The following CFAP418 variants were observed in gnomAD, a reference collection of about 807,000 sequenced individuals.
CFAP418 encodes the protein cilia and flagella associated protein 418, also known as cilia- and flagella-associated protein 418.
CFAP418 carries 27 observed loss-of-function variants against 24.7 expected under a neutral mutation model. That is an observed-to-expected ratio of 1.09 (90% confidence interval 0.81 to 1.51). CFAP418 has a LOEUF of 1.51. Ranked by LOEUF, CFAP418 falls within the 40% of genes most tolerant of loss-of-function variation. The pLI is 0.00. For missense variants in CFAP418, 257 were observed against 255.2 expected (o/e 1.01, Z -0.05); for synonymous variants, 74 against 87.3 (o/e 0.85, Z 0.85).
At chr8:95,260,371 A>G (rs1408867549) in intron 3 of CFAP418, 97 bp downstream of exon 3, 4 of 872,344 alleles carry the variant, frequency 4.6e-6, no homozygotes, top group South Asian at 1.7e-5. Flanking sequence ...TTGTTGTTCA[A>G]TGTCACTGCT....
At chr8:95,255,524 T>C (rs1003886903) in intron 4 of CFAP418, among the ~76,000 whole-genome samples, 3 of 152,252 alleles carry the variant, frequency 2.0e-5, no homozygotes, top group Non-Finnish European at 1.5e-5. Flanking sequence ...GTATCCCATA[T>C]GTTCCCTTTA....
At chr8:95,269,003 C>T (rs766769792) in intron 1 of CFAP418, 32 bp downstream of exon 1, 6 of 1,608,172 alleles carry the variant, frequency 3.7e-6, no homozygotes, top group South Asian at 2.2e-5. Context: ...CAGGGCTTTA[C>T]CAGAACAGTC....
In CFAP418 at chr8:95,263,675, C is replaced by G. The variant is rs769781357; in HGVS notation, c.243+12G>C. On this transcript the variant is annotated intron_variant, in intron 2 of 5. Transcript: ENST00000286688. ...TGACAGAATTACTACATATTTATAA[C>G]ACTTGACTTACAGAGGGTTTTTTGT... The G allele has an allele frequency of 6.6e-7, 1 of 1,524,396 alleles. No homozygotes were observed. The highest frequency in any genetic ancestry group is 1.4e-5 in the African/African-American group (1 of 72,930). The allele number at this position is 1,524,396 out of a possible 1,614,324, so 94.4% of individuals were successfully genotyped here.
In CFAP418 at chr8:95,264,386, A is replaced by T. The variant is rs116051493; in HGVS notation, c.156-612T>A. 7.5e-3 allele frequency among the ~76,000 whole-genome samples: 1,136 copies of T among 152,312 alleles called. 20 individuals are homozygous for T. The highest frequency in any genetic ancestry group is 0.026 in the African/African-American group (1,075 of 41,566). On this transcript the variant is annotated intron_variant, in intron 1 of 5. Transcript: ENST00000286688. Reference sequence around the variant, plus strand: ...TAATAGCTGATGCTAAATAGCTAATAACTAAATAGTAAGTATTTACTGAAT... The same window carrying T: ...TAATAGCTGATGCTAAATAGCTAATTACTAAATAGTAAGTATTTACTGAAT...
intron 4 of CFAP418, among the ~76,000 whole-genome samples, chr8:95,253,608 T>A (rs1404817268): frequency 2.6e-5 from 4 of 152,260 alleles, no homozygotes; most frequent in African/African-American, 4.8e-5. Context: ...CTAAAAATAC[T>A]ATTAACCATA....
intron 1 of CFAP418, chr8:95,268,807 G>T: frequency 2.7e-6 from 1 of 375,310 alleles, no homozygotes; most frequent in East Asian, 4.5e-5. Flanking sequence ...CAGCCCTCTG[G>T]GGCATGCCGG....
chr8:95,255,365 G>A (rs985591040), intron 4 of CFAP418, among the ~76,000 whole-genome samples: 3 of 152,126 alleles, frequency 2.0e-5, no homozygotes, highest in African/African-American at 7.2e-5. Flanking sequence ...TTCTCAGGGA[G>A]CTTCTAAACA....
At chr8:95,267,883 T>C (rs1586039793) in intron 1 of CFAP418, among the ~76,000 whole-genome samples, 2 of 152,218 alleles carry the variant, frequency 1.3e-5, no homozygotes, top group East Asian at 3.9e-4. Context: ...TTTGTTTTTT[T>C]TTTTTGAGGG....
At chr8:95,265,224 C>T (rs1412567298) in intron 1 of CFAP418, among the ~76,000 whole-genome samples, 3 of 151,956 alleles carry the variant, frequency 2.0e-5, no homozygotes, top group Non-Finnish European at 4.4e-5. Flanking sequence ...TCCCCAGGTG[C>T]GACAATAAAA....
chr8:95,265,424 A>G (rs752864251), intron 1 of CFAP418, among the ~76,000 whole-genome samples: 6 of 152,206 alleles, frequency 3.9e-5, no homozygotes, highest in African/African-American at 9.6e-5. Flanking sequence ...TCCCTCAACT[A>G]TAGTGAAACT....
intron 5 of CFAP418, among the ~76,000 whole-genome samples, chr8:95,251,712 A>G (rs181705800): frequency 6.6e-6 from 1 of 152,296 alleles, no homozygotes; most frequent in African/African-American, 2.4e-5. Flanking sequence ...AGGCAGATGG[A>G]GAGAAGGAGA....
chr8:95,260,382 G>A (rs1013316586), intron 3 of CFAP418, 86 bp downstream of exon 3: 21 of 1,014,810 alleles, frequency 2.1e-5, no homozygotes, highest in Non-Finnish European at 2.8e-5. Flanking sequence ...TGTCACTGCT[G>A]TTTAAATGGT....
intron 2 of CFAP418, among the ~76,000 whole-genome samples, chr8:95,261,398 A>G (rs563753425): frequency 6.6e-6 from 1 of 152,196 alleles, no homozygotes; most frequent in African/African-American, 2.4e-5. Flanking sequence ...TTCATGTGCC[A>G]TCCAGACTCA....
At chr8:95,248,013 A>AT (rs931610468) in intron 5 of CFAP418, among the ~76,000 whole-genome samples, 1 of 151,356 alleles carries the variant, frequency 6.6e-6, no homozygotes, top group Non-Finnish European at 1.5e-5. Context: ...GGCTTAAAAA[A>AT]TTTTTTTTTG....
intron 5 of CFAP418, among the ~76,000 whole-genome samples, 182 bp from the exon 6 acceptor site, chr8:95,247,952 T>TC (rs1811650310): frequency 6.6e-6 from 1 of 152,068 alleles, no homozygotes; most frequent in Non-Finnish European, 1.5e-5. Context: ...CTCCCAGGCT[T>TC]CCCCTCAGCC....
chr8:95,259,191 TAG>T (rs1470941857), intron 4 of CFAP418, among the ~76,000 whole-genome samples: 1 of 152,164 alleles, frequency 6.6e-6, no homozygotes, highest in Admixed American at 6.5e-5. Context: ...CTGCCAAAAA[TAG>T]AACCAAAAGC....
intron 2 of CFAP418, among the ~76,000 whole-genome samples, chr8:95,260,833 G>C (rs1811876215): frequency 6.6e-6 from 1 of 152,098 alleles, no homozygotes; most frequent in African/African-American, 2.4e-5. Context: ...TAATATTACA[G>C]TTCAATGATT....
intron 4 of CFAP418, among the ~76,000 whole-genome samples, chr8:95,254,930 C>T (rs1305282507): frequency 1.3e-5 from 2 of 152,202 alleles, no homozygotes; most frequent in African/African-American, 4.8e-5. Flanking sequence ...AACTTTCTTT[C>T]TTACCCTCCT....
At chr8:95,266,235 A>G (rs1486241079) in intron 1 of CFAP418, among the ~76,000 whole-genome samples, 1 of 152,228 alleles carries the variant, frequency 6.6e-6, no homozygotes, top group African/African-American at 2.4e-5. Flanking sequence ...TATTATAGTT[A>G]TCATCTAGAA....
Sources: allele counts gnomAD v4.1 joint callset (sites outside exome capture counted in the v4.1 genomes callset), GRCh38; gene constraint gnomAD v4.1.1; transcripts MANE v1.5; gene names NCBI Gene and HGNC (gene_info 2026-07-23, HGNC 2026-07-21).